Variants in SSBP1 observed in about 807,000 individuals in gnomAD.
SSBP1 encodes the protein single stranded DNA binding protein 1.
Under a neutral mutation model 27.0 loss-of-function variants are expected in SSBP1, and 20 were observed. The observed-to-expected ratio is 0.74, with a 90% CI of 0.52 to 1.08. The LOEUF is 1.08. Among genes scored for constraint, SSBP1 ranks in the 50% least tolerant of loss-of-function variants. SSBP1 has a pLI of 0.00. For missense variants in SSBP1, 137 were observed against 182.4 expected, an observed-to-expected ratio of 0.75 and a Z score of 1.44; for synonymous variants, 59 against 59.3, an observed-to-expected ratio of 1.00 and a Z score of 0.02.
At chr7:141,743,061 G>A (rs184772154) in intron 3 of SSBP1, among the ~76,000 whole-genome samples, 14 of 152,312 alleles carry the variant, frequency 9.2e-5, no homozygotes, top group South Asian at 2.1e-4. Context: ...CACCGTGTTA[G>A]CCAGCATGGT....
intron 2 of SSBP1, 105 bp downstream of exon 2, chr7:141,739,295 A>G: frequency 2.4e-6 from 2 of 837,792 alleles, no homozygotes; most frequent in Non-Finnish European, 3.6e-6. Flanking sequence ...CTTTGAGCTC[A>G]CCCACCCACC....
chr7:141,741,194 A>T (rs139837619), intron 2 of SSBP1: 4 of 152,198 alleles, frequency 2.6e-5, no homozygotes, highest in African/African-American at 9.7e-5. Context: ...TCCACCTCAG[A>T]TCATCAGGCA....
rs1005238471 is a variant in SSBP1 at position 141,745,592 on chromosome 7, G to A, written c.403+8G>A. 2 of 1,612,880 alleles carry A rather than the reference G, an allele frequency of 1.2e-6. No homozygotes were observed. Among genetic ancestry groups the A allele is most frequent in the African/African-American group, 1.3e-5 (1 of 74,986 alleles). ...CAACAACAATCATAGCTGGTAAGAAGCTTGTGAAAATAGCTGTTTTTTTCT... is the reference window on the plus strand; with the variant it reads ...CAACAACAATCATAGCTGGTAAGAAACTTGTGAAAATAGCTGTTTTTTTCT... On this transcript the variant is annotated splice_region_variant and intron_variant, in intron 6 of 6. Coordinates refer to ENST00000265304, the MANE Select transcript of SSBP1 (RefSeq NM_003143.3).
chr7:141,742,452 A>C (rs1000379940), intron 3 of SSBP1, among the ~76,000 whole-genome samples: 1 of 152,154 alleles, frequency 6.6e-6, no homozygotes, highest in Non-Finnish European at 1.5e-5. Context: ...TCTTGTCAAC[A>C]CTGTCCTGCA....
At chr7:141,747,024 A>G (rs1799814778) in intron 6 of SSBP1, among the ~76,000 whole-genome samples, 1 of 152,134 alleles carries the variant, frequency 6.6e-6, no homozygotes, top group Admixed American at 6.5e-5. Context: ...AGAACTTTTT[A>G]TTACCCTGTT....
intron 3 of SSBP1, among the ~76,000 whole-genome samples, chr7:141,743,122 G>A (rs1799625478): frequency 1.3e-5 from 2 of 152,198 alleles, no homozygotes; most frequent in Admixed American, 1.3e-4. Flanking sequence ...CAAAGTGCTG[G>A]GATTACAGGC....
At chr7:141,738,431 C>T (rs528953158) in intron 1 of SSBP1, 21 bp downstream of exon 1, 31 of 152,814 alleles carry the variant, frequency 2.0e-4, no homozygotes, top group Non-Finnish European at 4.0e-4. Context: ...AAGGGATAGC[C>T]AGCGCGAAGG....
chr7:141,739,033 A>C (rs1315097661), intron 1 of SSBP1, 91 bp from the exon 2 acceptor site: 3 of 672,398 alleles, frequency 4.5e-6, no homozygotes, highest in Non-Finnish European at 4.8e-6. Context: ...GTGCATAAAA[A>C]TTATGAATAT....
Position 141,742,234 on chromosome 7 carries a change from G to A in SSBP1, c.85+5G>A. ...CCAGTTTGGTTCTTGAAAGATGTAA[G>A]TAGCTAATTTCCAAGTTTAAAATGT... On this transcript the variant is annotated splice_donor_5th_base_variant and intron_variant, in intron 3 of 6. Transcript: ENST00000265304. 1 of 1,596,498 alleles carries A rather than the reference G, an allele frequency of 6.3e-7. No individual in the cohort carries two copies. The highest frequency in any genetic ancestry group is 2.2e-5 in the East Asian group (1 of 44,660).
chr7:141,748,588 C>G (rs1261952817), intron 6 of SSBP1, among the ~76,000 whole-genome samples: 6 of 152,136 alleles, frequency 3.9e-5, no homozygotes, highest in African/African-American at 1.4e-4. Flanking sequence ...TGTGGGCAAA[C>G]TTTAGATTGT....
At position 141,750,349 on chromosome 7, in the gene SSBP1, G is replaced by T. The variant is rs1451013616; in HGVS notation, c.442G>T (p.Glu148Ter). Residue 148 changes from glutamate to a stop codon, truncating the protein, a stop_gained, in exon 7 of 7, where the codon GAG becomes TAG. Coordinates refer to ENST00000265304, the MANE Select transcript of SSBP1 (RefSeq NM_003143.3). LOFTEE classifies it high-confidence loss of function. ...TCTGAGTGACCAGACGAAAGAGAAGGAGTAGAAAGGATGATTCTTCTTTGG... is the reference window on the plus strand; with the variant it reads ...TCTGAGTGACCAGACGAAAGAGAAGTAGTAGAAAGGATGATTCTTCTTTGG... ...IFLSDQTKEK[E>*] 1 of 1,599,572 alleles carries T rather than the reference G, an allele frequency of 6.3e-7. No individual in the cohort carries two copies. Among genetic ancestry groups the T allele is most frequent in the Non-Finnish European group, 8.5e-7 (1 of 1,175,682 alleles).
chr7:141,750,313 AATATT>A lies in SSBP1; in HGVS notation c.412_416del (p.Ile138SerfsTer3). 1 of 1,594,750 alleles carries A rather than the reference AATATT, an allele frequency of 6.3e-7. No individual in the cohort carries two copies. The highest frequency in any genetic ancestry group is 8.5e-7 in the Non-Finnish European group (1 of 1,173,082). On this transcript the variant is annotated frameshift_variant, in exon 7 of 7. Transcript: ENST00000265304. LOFTEE classifies it high-confidence loss of function. ...TTTACATTTTGGCTTTTTTACAGAT[AATATT>A]ATATTTCTGAGTGACCAGACGAAAG...
At position 141,742,878 on chromosome 7, in the gene SSBP1, T is replaced by G. The variant is rs564784350; in HGVS notation, c.85+649T>G. On this transcript the variant is annotated intron_variant, in intron 3 of 6. Transcript: ENST00000265304. Reference sequence around the variant, plus strand: ...GTGTGGATTTCTTTTTTTTTGAGACTGAGTCTTGCTCTGTCGCCCAGGCTG... The same window carrying G: ...GTGTGGATTTCTTTTTTTTTGAGACGGAGTCTTGCTCTGTCGCCCAGGCTG... Among the ~76,000 whole-genome samples, 21 of 152,262 alleles carry G rather than the reference T, an allele frequency of 1.4e-4. No individual in the cohort carries two copies. In the East Asian group the frequency reaches 3.5e-3, roughly 25 times the overall value.
chr7:141,740,822 A>T (rs912689103), intron 2 of SSBP1: 2 of 152,160 alleles, frequency 1.3e-5, no homozygotes, highest in African/African-American at 4.8e-5. Flanking sequence ...AAGCTGTTTA[A>T]TTTTTGCAAT....
rs1042925658 is a variant in SSBP1, at chr7:141,745,038, A to G, written c.315-458A>G. 6.6e-5 allele frequency among the ~76,000 whole-genome samples: 10 copies of G among 152,238 alleles called. No homozygotes were observed. The East Asian group carries it at 1.7e-3, about 26-fold the overall frequency. The stretch of plus-strand genomic sequence containing the variant: ...TAGAAATAGTCTTAGTAATTAACTC[A>G]GGGTAATATTATACTAAACTAACTA... On this transcript the variant is annotated intron_variant, in intron 5 of 6. Coordinates refer to ENST00000265304, the MANE Select transcript of SSBP1 (RefSeq NM_003143.3).
intron 6 of SSBP1, 45 bp downstream of exon 6, chr7:141,745,629 T>C: frequency 6.2e-7 from 1 of 1,610,134 alleles, no homozygotes; most frequent in Non-Finnish European, 8.5e-7. Context: ...TTTCTCCTTT[T>C]CTTTTTTAAA....
At chr7:141,745,886 T>TC in intron 6 of SSBP1, 13 of 1,095,848 alleles carry the variant, frequency 1.2e-5, no homozygotes, top group Non-Finnish European at 1.3e-5. Flanking sequence ...GAATGTATTG[T>TC]CTTTTGGAAG....
chr7:141,738,609 C>T (rs1340112123), intron 1 of SSBP1, 199 bp downstream of exon 1: 1 of 152,520 alleles, frequency 6.6e-6, no homozygotes, highest in African/African-American at 2.4e-5. Context: ...GGGTGTCCAC[C>T]TCTCCCTATG....
intron 2 of SSBP1, 54 bp downstream of exon 2, chr7:141,739,244 C>G (rs1477293579): frequency 2.8e-6 from 4 of 1,453,538 alleles, no homozygotes; most frequent in African/African-American, 1.4e-5. Context: ...CCACAGTGAT[C>G]AGAAGACTTC....
Sources: allele counts gnomAD v4.1 joint callset (sites outside exome capture counted in the v4.1 genomes callset), GRCh38; gene constraint gnomAD v4.1.1; transcripts MANE v1.5; gene names NCBI Gene and HGNC (gene_info 2026-07-23, HGNC 2026-07-21).